LOC400499: variants seen among roughly 807,000 people sequenced by gnomAD.
the LOC400499 span, chr16:11,461,066 C>A: frequency 6.5e-7 from 1 of 1,536,108 alleles, no homozygotes; most frequent in Non-Finnish European, 8.7e-7. Context: ...ACAAACAGCT[C>A]GGCACCCAGG....
the LOC400499 span, among the ~76,000 whole-genome samples, chr16:11,402,710 C>G: frequency 6.6e-6 from 1 of 152,190 alleles, no homozygotes; most frequent in East Asian, 1.9e-4. Flanking sequence ...CCCGCTCACC[C>G]TACAGCTGAC....
chr16:11,376,770 G>T, the LOC400499 span, among the ~76,000 whole-genome samples: 1 of 152,098 alleles, frequency 6.6e-6, no homozygotes, highest in Non-Finnish European at 1.5e-5. Flanking sequence ...TAAACCTGTA[G>T]ATCACTTTGA....
the LOC400499 span, among the ~76,000 whole-genome samples, chr16:11,480,647 G>C: frequency 6.6e-6 from 1 of 152,148 alleles, no homozygotes; most frequent in East Asian, 1.9e-4. Flanking sequence ...GTAGGCTAAA[G>C]ATATATACAC....
At chr16:11,465,254 G>C in the LOC400499 span, 1 of 152,206 alleles carries the variant, frequency 6.6e-6, no homozygotes, top group African/African-American at 2.4e-5. Flanking sequence ...AGCCTCCCAA[G>C]AAGCTGGGAC....
the LOC400499 span, among the ~76,000 whole-genome samples, chr16:11,509,324 T>A: frequency 6.6e-6 from 1 of 150,934 alleles, no homozygotes; most frequent in African/African-American, 2.4e-5. Flanking sequence ...TTCACCATGT[T>A]AGCCAGGATG....
the LOC400499 span, among the ~76,000 whole-genome samples, chr16:11,394,478 G>A: frequency 6.6e-5 from 10 of 152,248 alleles, no homozygotes; most frequent in Admixed American, 6.5e-5. Context: ...ACAGAACAAT[G>A]GTTCACAAAA....
At chr16:11,384,609 T>G in the LOC400499 span, among the ~76,000 whole-genome samples, 1 of 152,190 alleles carries the variant, frequency 6.6e-6, no homozygotes, top group Non-Finnish European at 1.5e-5. Context: ...TTCCTTTGTG[T>G]TCCTTGGCAG....
At chr16:11,501,988 G>A in the LOC400499 span, 6 of 397,250 alleles carry the variant, frequency 1.5e-5, no homozygotes, top group African/African-American at 1.2e-4. Context: ...ATCCCTCACT[G>A]GGAACCCAGG....
chr16:11,444,026 A>C, the LOC400499 span, among the ~76,000 whole-genome samples: 2 of 151,952 alleles, frequency 1.3e-5, no homozygotes, highest in African/African-American at 4.8e-5. Flanking sequence ...TTTTTAGTAG[A>C]GATGGGGTTT....
the LOC400499 span, among the ~76,000 whole-genome samples, chr16:11,418,949 T>C: frequency 6.6e-6 from 1 of 152,172 alleles, no homozygotes; most frequent in African/African-American, 2.4e-5. Context: ...ACAGATCACT[T>C]GAGGTCAGGA....
the LOC400499 span, among the ~76,000 whole-genome samples, chr16:11,389,918 A>C: frequency 1.7e-4 from 26 of 152,152 alleles, no homozygotes; most frequent in African/African-American, 6.0e-4. Flanking sequence ...ACCCTCGGCC[A>C]GTGCTCACGA....
the LOC400499 span, among the ~76,000 whole-genome samples, chr16:11,455,377 A>G: frequency 6.6e-6 from 1 of 152,190 alleles, no homozygotes; most frequent in African/African-American, 2.4e-5. Flanking sequence ...TTATTTTTAA[A>G]TATGGAGAAT....
the LOC400499 span, chr16:11,372,112 C>T: frequency 6.6e-6 from 1 of 152,254 alleles, no homozygotes; most frequent in African/African-American, 2.4e-5. Flanking sequence ...AGCCTGGAGG[C>T]CTGAGTTCAC....
At chr16:11,399,499 G>A in the LOC400499 span, 4 of 398,726 alleles carry the variant, frequency 1.0e-5, no homozygotes, top group African/African-American at 6.2e-5. Flanking sequence ...GCCGCATGCG[G>A]TGCTGGCCCC....
the LOC400499 span, among the ~76,000 whole-genome samples, chr16:11,449,885 C>G: frequency 6.6e-6 from 1 of 152,234 alleles, no homozygotes; most frequent in East Asian, 1.9e-4. Context: ...CTTGCCGGCA[C>G]CTCCACTGCC....
the LOC400499 span, among the ~76,000 whole-genome samples, chr16:11,497,479 C>T: frequency 2.0e-5 from 3 of 152,230 alleles, no homozygotes; most frequent in African/African-American, 4.8e-5. Context: ...GAGGTTCCCG[C>T]CTCTGACTGC....
At chr16:11,479,495 C>T in the LOC400499 span, among the ~76,000 whole-genome samples, 3 of 151,200 alleles carry the variant, frequency 2.0e-5, no homozygotes, top group Admixed American at 6.6e-5. Context: ...TGGTGGCACC[C>T]GCCTGTAGTT....
chr16:11,397,798 G>A, the LOC400499 span, among the ~76,000 whole-genome samples: 1 of 149,278 alleles, frequency 6.7e-6, no homozygotes. Context: ...AGGGAGGGAG[G>A]GATGGACGGA....
At chr16:11,477,069 C>A in the LOC400499 span, 1,336 of 399,730 alleles carry the variant, frequency 3.3e-3, 7 homozygotes, top group Middle Eastern at 0.027. Flanking sequence ...GCCACCACTG[C>A]CACCCACAGG....
Sources: allele counts gnomAD v4.1 joint callset (sites outside exome capture counted in the v4.1 genomes callset), GRCh38; gene constraint gnomAD v4.1.1; transcripts MANE v1.5.